CSMD2: variants seen among roughly 807,000 people sequenced by gnomAD.
CSMD2 encodes CUB and sushi domain-containing protein 2.
In CSMD2, 130 loss-of-function variants were observed where a neutral mutation model predicts 398.5. That is an observed-to-expected ratio of 0.33 (90% CI 0.28 to 0.38). The LOEUF (loss-of-function observed/expected upper bound fraction) is 0.38. Among genes scored for constraint, CSMD2 ranks in the 10% least tolerant of loss-of-function variants. CSMD2 has a pLI of 1.00. For missense variants in CSMD2, 3,829 were observed against 4,764.9 expected (o/e 0.80, Z 5.78); for synonymous variants, 1,828 against 1,908.5 (o/e 0.96, Z 1.10).
intron 2 of CSMD2, among the ~76,000 whole-genome samples, chr1:34,040,879 T>C (rs2148186384): frequency 6.6e-6 from 1 of 152,270 alleles, no homozygotes; most frequent in Non-Finnish European, 1.5e-5. Flanking sequence ...AATCCCAACA[T>C]TTTGAGAGGC....
At position 33,559,396 on chromosome 1, in the gene CSMD2, T is replaced by C; in HGVS notation, c.8458A>G (p.Lys2820Glu). The C allele has an allele frequency of 1.3e-6, 2 of 1,536,130 alleles. No homozygotes were observed. Among genetic ancestry groups the C allele is most frequent in the Non-Finnish European group, 1.7e-6 (2 of 1,146,898 alleles). The change falls in exon 54 of 71, where the codon AAG (lysine) becomes GAG (glutamate). Residue 2820 changes from lysine (K) to glutamate (E), a missense_variant. By Grantham distance (56) the Lys-to-Glu change is moderately conservative. Around this residue, in one of 5 missense-constraint regions of CSMD2, gnomAD observed 917 missense variants for 1,199.5 expected, o/e 0.76. Coordinates refer to ENST00000373381, the MANE Select transcript of CSMD2 (RefSeq NM_001281956.2). This position sits in a 1 kb window ranked among gnomAD's most constrained non-coding sequence, Gnocchi z 4.0. Reference protein sequence around the residue: ...GNQFNLNDVVKFVCNPGYMAE... With the variant: ...GNQFNLNDVVEFVCNPGYMAE... ...ATATACCCAGGGTTGCAAACAAACT[T>C]GACCACATCGTTGAGGTTAAACTGG...
rs545918254 is a variant in CSMD2, at chr1:34,001,790, C to A, written c.517+30804G>T. On this transcript the variant is annotated intron_variant, in intron 3 of 70. Coordinates refer to ENST00000373381, the MANE Select transcript of CSMD2 (RefSeq NM_001281956.2). Reference sequence around the variant, plus strand: ...TGGAATATAAATGTTATAGATCTTGCCAAATTAAAAAGAATTTAAACCAGG... The same window carrying A: ...TGGAATATAAATGTTATAGATCTTGACAAATTAAAAAGAATTTAAACCAGG... Among the ~76,000 whole-genome samples, 4 of 152,066 alleles carry A rather than the reference C, an allele frequency of 2.6e-5. No individual in the cohort carries two copies. In the South Asian group the frequency reaches 6.2e-4, roughly 24 times the overall value.
At chr1:33,596,619 A>C (rs1421660271) in intron 44 of CSMD2, among the ~76,000 whole-genome samples, 1 of 152,170 alleles carries the variant, frequency 6.6e-6, no homozygotes. Context: ...CATGGCAGCA[A>C]GAAGGAGAAG....
At chr1:33,730,064 T>C (rs565760489) in intron 15 of CSMD2, among the ~76,000 whole-genome samples, 1 of 152,318 alleles carries the variant, frequency 6.6e-6, no homozygotes, top group South Asian at 2.1e-4. Context: ...AAATGTTCAG[T>C]GGTAGAGATC....
chr1:33,727,808 G>T (rs568925614), intron 15 of CSMD2, among the ~76,000 whole-genome samples: 1 of 152,258 alleles, frequency 6.6e-6, no homozygotes, highest in Non-Finnish European at 1.5e-5. Context: ...TTTGGAGGTT[G>T]TAAGTTAACA....
chr1:33,904,221 C>T (rs1265864478), intron 5 of CSMD2, among the ~76,000 whole-genome samples: 4 of 152,122 alleles, frequency 2.6e-5, no homozygotes, highest in Non-Finnish European at 5.9e-5. Context: ...GGAGACAAGG[C>T]CCCCGAGCAG....
At chr1:33,728,493 T>C (rs556036712) in intron 15 of CSMD2, among the ~76,000 whole-genome samples, 79 of 152,258 alleles carry the variant, frequency 5.2e-4, no homozygotes, top group African/African-American at 1.9e-3. Context: ...TTGCTACACA[T>C]GTGTTATCTC....
chr1:33,753,686 C>T (rs1000839757), intron 13 of CSMD2, among the ~76,000 whole-genome samples: 48 of 152,258 alleles, frequency 3.2e-4, no homozygotes, highest in African/African-American at 1.1e-3. Context: ...TCAAGTCCAA[C>T]TCATGAGAGC....
At chr1:33,710,529 C>T (rs1163637709) in intron 21 of CSMD2, among the ~76,000 whole-genome samples, 1 of 152,168 alleles carries the variant, frequency 6.6e-6, no homozygotes, top group African/African-American at 2.4e-5. Flanking sequence ...GCCTGTTATT[C>T]GTGTGGACAT....
intron 4 of CSMD2, among the ~76,000 whole-genome samples, chr1:33,924,481 G>C (rs1396168724): frequency 6.6e-6 from 1 of 152,070 alleles, no homozygotes; most frequent in Non-Finnish European, 1.5e-5. Context: ...TTGCTGTTAT[G>C]AATTGTGTTT....
intron 25 of CSMD2, among the ~76,000 whole-genome samples, chr1:33,688,132 T>G (rs1645116302): frequency 6.6e-6 from 1 of 152,216 alleles, no homozygotes; most frequent in Non-Finnish European, 1.5e-5. Context: ...GATTCAGGAA[T>G]AAGAATGTTG....
At chr1:33,597,379 C>T (rs1294711724) in intron 44 of CSMD2, among the ~76,000 whole-genome samples, 3 of 152,142 alleles carry the variant, frequency 2.0e-5, no homozygotes, top group African/African-American at 2.4e-5. Context: ...TTATGTCTTT[C>T]GAAGCATTTG....
chr1:33,781,003 G>T (rs1195802442), intron 12 of CSMD2, among the ~76,000 whole-genome samples: 1 of 152,202 alleles, frequency 6.6e-6, no homozygotes, highest in Admixed American at 6.5e-5. Context: ...GGTGAGTGAT[G>T]CTGGTCGGCT....
chr1:33,904,578 G>C (rs1642963473), intron 5 of CSMD2, among the ~76,000 whole-genome samples: 1 of 151,492 alleles, frequency 6.6e-6, no homozygotes, highest in Non-Finnish European at 1.5e-5. Context: ...GATAGATAGT[G>C]GTGTTATCCA....
At chr1:34,117,753 T>C (rs1003035872) in intron 1 of CSMD2, among the ~76,000 whole-genome samples, 1 of 152,134 alleles carries the variant, frequency 6.6e-6, no homozygotes, top group Admixed American at 6.5e-5. Context: ...TTCAACAATA[T>C]ATTAAAAGGA....
chr1:33,722,515 A>C (rs982034661), intron 19 of CSMD2, among the ~76,000 whole-genome samples: 13 of 152,198 alleles, frequency 8.5e-5, no homozygotes, highest in African/African-American at 3.1e-4. Flanking sequence ...CACTTGTTTC[A>C]TTATTAATGA....
chr1:33,670,131 G>C (rs1644445256), intron 25 of CSMD2, among the ~76,000 whole-genome samples: 2 of 152,148 alleles, frequency 1.3e-5, no homozygotes, highest in African/African-American at 4.8e-5. Context: ...ATCCAGTGGG[G>C]AGCTTTTCCA....
chr1:33,759,289 A>G (rs1378605903), intron 13 of CSMD2, among the ~76,000 whole-genome samples: 1 of 150,434 alleles, frequency 6.6e-6, no homozygotes, highest in Non-Finnish European at 1.5e-5. Flanking sequence ...GAAGGGGTTA[A>G]TCATACAGAG....
intron 5 of CSMD2, among the ~76,000 whole-genome samples, chr1:33,892,703 T>C (rs1642110755): frequency 6.6e-6 from 1 of 152,258 alleles, no homozygotes; most frequent in African/African-American, 2.4e-5. Context: ...TACCACGTTT[T>C]CTTTATCCAC....
Sources: gnomAD v4.1 joint callset for allele counts (sites outside exome capture counted in the v4.1 genomes callset) on GRCh38, gnomAD v4.1.1 for gene constraint, gnomAD v4.1.1 regional missense constraint, Gnocchi (gnomAD v3.1) non-coding constraint, MANE v1.5 for transcripts, NCBI Gene and HGNC (gene_info 2026-07-23, HGNC 2026-07-21) for gene names.